The following FMN1 variants were observed in gnomAD, a reference collection of about 807,000 sequenced individuals.
FMN1 encodes formin 1, also known as formin-1.
In FMN1, 110 loss-of-function variants were observed where a neutral mutation model predicts 132.4. The observed-to-expected ratio is 0.83, with a 90% CI of 0.71 to 0.97. The LOEUF is 0.97. Among genes scored for constraint, FMN1 ranks in the 50% least tolerant of loss-of-function variants. The probability of loss-of-function intolerance (pLI) is 0.00; values close to 1 mark genes in which losing one functional copy is unlikely to be tolerated. For missense variants in FMN1, 1,792 were observed against 1,705.3 expected (o/e 1.05, Z -0.90); for synonymous variants, 722 against 651.7 (o/e 1.11, Z -1.64).
chr15:32,954,230 T>A (rs1413101640), intron 9 of FMN1, among the ~76,000 whole-genome samples: 1 of 152,220 alleles, frequency 6.6e-6, no homozygotes, highest in Admixed American at 6.5e-5. Context: ...ATACCTTACA[T>A]TTGGGGGATT....
chr15:33,085,390 C>T (rs2038647808), intron 5 of FMN1, among the ~76,000 whole-genome samples: 1 of 151,918 alleles, frequency 6.6e-6, no homozygotes, highest in South Asian at 2.1e-4. Context: ...AGGGCCCAAA[C>T]TATAAAAACT....
intron 7 of FMN1, among the ~76,000 whole-genome samples, chr15:32,989,950 T>C (rs1461033533): frequency 6.6e-6 from 1 of 152,118 alleles, no homozygotes; most frequent in Non-Finnish European, 1.5e-5. Context: ...CTTTTTGTCA[T>C]GTTTACATTG....
intron 7 of FMN1, among the ~76,000 whole-genome samples, chr15:32,989,098 T>C (rs1239983538): frequency 1.3e-5 from 2 of 151,534 alleles, no homozygotes; most frequent in South Asian, 2.1e-4. Context: ...TTGAAAAATA[T>C]TACCTGTGAA....
At position 33,089,110 on chromosome 15, in the gene FMN1, A is replaced by T. The variant is rs568160914; in HGVS notation, c.1868-136T>A. ...GCTTTCTAAGTTATATTTTTAAGAGACTGCTTTCCTTTAAAAGTATTTCTC... is the reference window on the plus strand; with the variant it reads ...GCTTTCTAAGTTATATTTTTAAGAGTCTGCTTTCCTTTAAAAGTATTTCTC... On this transcript the variant is annotated intron_variant, in intron 4 of 20. Coordinates refer to ENST00000616417, the MANE Select transcript of FMN1 (RefSeq NM_001277313.2). The T allele has an allele frequency of 8.3e-6, 6 of 720,088 alleles. No homozygotes were observed. In the African/African-American group the frequency reaches 1.1e-4, roughly 13 times the overall value. 44.6% of individuals were successfully genotyped at this position (720,088 alleles called of 1,614,324 possible). A position where few individuals can be genotyped will look rare whatever the true frequency, so the allele number is the denominator to read the frequency against.
At chr15:33,121,840 T>C (rs1056976655) in intron 4 of FMN1, among the ~76,000 whole-genome samples, 1 of 141,568 alleles carries the variant, frequency 7.1e-6, no homozygotes, top group African/African-American at 2.5e-5. Flanking sequence ...CAAATTTTTG[T>C]TTTTCTGTTT....
intron 15 of FMN1, among the ~76,000 whole-genome samples, chr15:32,893,006 T>C (rs1001493375): frequency 1.3e-5 from 2 of 152,222 alleles, no homozygotes; most frequent in African/African-American, 4.8e-5. Context: ...ACAGAGGGCT[T>C]GTAAAACATG....
At chr15:32,841,518 A>G (rs1242387145) in intron 17 of FMN1, among the ~76,000 whole-genome samples, 1 of 152,220 alleles carries the variant, frequency 6.6e-6, no homozygotes, top group Non-Finnish European at 1.5e-5. Context: ...CTATTTCTAC[A>G]CATTCCATCA....
At position 33,154,958 on chromosome 15, in the gene FMN1, G is replaced by A; in HGVS notation, c.-44C>T. On this transcript the variant is annotated 5_prime_UTR_variant, in exon 4 of 21. Transcript: ENST00000616417. ...CATGCCTTGGAGATGCCGGTTTGTG[G>A]TCAGGCTTCCCAGGCTCCAGTGGTG... 2 of 1,472,202 alleles carry A rather than the reference G, an allele frequency of 1.4e-6. No individual in the cohort carries two copies. Among genetic ancestry groups the A allele is most frequent in the South Asian group, 2.7e-5 (2 of 73,226 alleles). 91.2% of individuals were successfully genotyped at this position (1,472,202 alleles called of 1,614,324 possible). A position where few individuals can be genotyped will look rare whatever the true frequency, so the allele number is the denominator to read the frequency against.
intron 6 of FMN1, among the ~76,000 whole-genome samples, chr15:33,011,841 G>A (rs987293621): frequency 9.2e-5 from 14 of 152,092 alleles, no homozygotes; most frequent in African/African-American, 3.4e-4. Flanking sequence ...ATGTTAAAAG[G>A]TGCTCCTTAT....
At chr15:33,159,771 A>G (rs1964815041) in intron 3 of FMN1, among the ~76,000 whole-genome samples, 1 of 152,236 alleles carries the variant, frequency 6.6e-6, no homozygotes, top group African/African-American at 2.4e-5. Context: ...ATCAGCACAA[A>G]CAGAGGAAGA....
chr15:32,968,213 A>G (rs929347225), intron 8 of FMN1, among the ~76,000 whole-genome samples: 4 of 152,236 alleles, frequency 2.6e-5, no homozygotes, highest in African/African-American at 9.6e-5. Flanking sequence ...CCTCTGATCT[A>G]AAGAACTAAT....
In FMN1 at chr15:32,857,062, T is replaced by C; in HGVS notation, c.3881A>G (p.Glu1294Gly). Residue 1294 changes from glutamate to glycine, a missense_variant, in exon 17 of 21, where the codon GAG (glutamate) becomes GGG (glycine). By Grantham distance (98) the Glu-to-Gly change is moderately conservative. Around this residue, in one of 3 missense-constraint regions of FMN1, gnomAD observed 1,150 missense variants for 1,043.1 expected, o/e 1.10. Coordinates refer to ENST00000616417, the MANE Select transcript of FMN1 (RefSeq NM_001277313.2). ...MVVVCKESPKEYLQPFKDKLE... is the reference protein window; with the variant it reads ...MVVVCKESPKGYLQPFKDKLE... Reference sequence around the variant, plus strand: ...TTTGTCCTTGAAAGGCTGGAGATACTCCTTTGGGGACTCCTTGCACACCAC... The same window carrying C: ...TTTGTCCTTGAAAGGCTGGAGATACCCCTTTGGGGACTCCTTGCACACCAC... The C allele has an allele frequency of 6.2e-7, 1 of 1,613,946 alleles. No homozygotes were observed. Among genetic ancestry groups the C allele is most frequent in the Non-Finnish European group, 8.5e-7 (1 of 1,179,826 alleles).
In FMN1 at chr15:33,125,461, T is replaced by C. The variant is rs553798704; in HGVS notation, c.1867+27587A>G. Among the ~76,000 whole-genome samples, 6 of 152,226 alleles carry C rather than the reference T, an allele frequency of 3.9e-5. No homozygotes were observed. In the South Asian group the frequency reaches 8.3e-4, roughly 21 times the overall value. On this transcript the variant is annotated intron_variant, in intron 4 of 20. Coordinates refer to ENST00000616417, the MANE Select transcript of FMN1 (RefSeq NM_001277313.2). ...TGTGTAGAAGATTATTTAAAGGAAATATCTAATGGGGTTATACAAATTAGT... is the reference window on the plus strand; with the variant it reads ...TGTGTAGAAGATTATTTAAAGGAAACATCTAATGGGGTTATACAAATTAGT...
chr15:32,775,741 G>C (rs181419259), intron 20 of FMN1, among the ~76,000 whole-genome samples: 27 of 152,250 alleles, frequency 1.8e-4, no homozygotes, highest in Admixed American at 1.7e-3. Flanking sequence ...GGGGTTGTTG[G>C]GAGAAACATT....
chr15:32,988,000 G>GA (rs1337623161), intron 7 of FMN1, among the ~76,000 whole-genome samples: 12 of 148,206 alleles, frequency 8.1e-5, no homozygotes, highest in Admixed American at 4.0e-4. Context: ...AGGTTTAGGA[G>GA]AAAAAAATGT....
chr15:32,865,350 G>A (rs2059367854), intron 16 of FMN1, among the ~76,000 whole-genome samples: 1 of 152,118 alleles, frequency 6.6e-6, no homozygotes. Flanking sequence ...GATAAATGAA[G>A]AATGCCTCAT....
chr15:33,006,542 T>C (rs1053782261), intron 7 of FMN1, among the ~76,000 whole-genome samples: 23 of 152,310 alleles, frequency 1.5e-4, no homozygotes, highest in Admixed American at 4.6e-4. Flanking sequence ...ACTGGGTATA[T>C]ATTTAAAGGA....
rs1370756814 is a variant in FMN1, at chr15:33,026,161, G to A, written c.2162-18086C>T. ...GGTTGATTGTAAACAGCAACCCACA[G>A]AGTTCTGCATGGTGGTAGCCACACA... On this transcript the variant is annotated intron_variant, in intron 6 of 20. Coordinates refer to ENST00000616417, the MANE Select transcript of FMN1 (RefSeq NM_001277313.2). 7.0e-5 allele frequency among the ~76,000 whole-genome samples: 10 copies of A among 143,678 alleles called. No homozygotes were observed. In the East Asian group the frequency reaches 2.2e-3, roughly 31 times the overall value. The allele number at this position is 143,678 out of a possible 152,430, so 94.3% of individuals were successfully genotyped here.
At chr15:32,860,853 T>C (rs934046168) in intron 16 of FMN1, 1 of 152,098 alleles carries the variant, frequency 6.6e-6, no homozygotes, top group African/African-American at 2.4e-5. Context: ...CCCCCAGAAA[T>C]GTCCACCACC....
Sources: allele counts gnomAD v4.1 joint callset (sites outside exome capture counted in the v4.1 genomes callset), GRCh38; gene constraint gnomAD v4.1.1; regional missense constraint gnomAD v4.1.1; transcripts MANE v1.5; gene names NCBI Gene and HGNC (gene_info 2026-07-23, HGNC 2026-07-21).